The following SLC35F3 variants were observed in gnomAD, a reference collection of about 807,000 sequenced individuals.
SLC35F3 encodes the protein putative thiamine transporter SLC35F3.
Under a neutral mutation model 49.9 loss-of-function variants are expected in SLC35F3, and 25 were observed. The ratio of observed to expected loss-of-function variants is 0.50; its 90% CI spans 0.37 to 0.70. The LOEUF (loss-of-function observed/expected upper bound fraction) is 0.70. Ranked by LOEUF, SLC35F3 falls within the 30% of genes least tolerant of loss-of-function variation. SLC35F3 has a pLI of 0.00. For missense variants in SLC35F3, 525 were observed against 639.8 expected, an observed-to-expected ratio of 0.82 and a Z score of 1.94; for synonymous variants, 275 against 265.4, an observed-to-expected ratio of 1.04 and a Z score of -0.35.
chr1:234,208,485 A>G (rs1192531543), intron 2 of SLC35F3, among the ~76,000 whole-genome samples: 2 of 152,208 alleles, frequency 1.3e-5, no homozygotes, highest in Non-Finnish European at 2.9e-5. Flanking sequence ...CCTGATGATC[A>G]GCCCAGGCCT....
intron 2 of SLC35F3, among the ~76,000 whole-genome samples, chr1:233,999,834 C>T (rs1663523362): frequency 6.6e-6 from 1 of 152,114 alleles, no homozygotes; most frequent in Non-Finnish European, 1.5e-5. Flanking sequence ...GCATCTTTAC[C>T]TCTCTGCATC....
At chr1:234,309,409 C>A (rs1193077012) in intron 4 of SLC35F3, 89 bp downstream of exon 4, 3 of 1,136,250 alleles carry the variant, frequency 2.6e-6, no homozygotes, top group Non-Finnish European at 2.6e-6. Flanking sequence ...TGTGCTGGAC[C>A]ATGAGCATAA....
At chr1:233,976,806 T>C (rs1663092814) in intron 2 of SLC35F3, among the ~76,000 whole-genome samples, 2 of 152,176 alleles carry the variant, frequency 1.3e-5, no homozygotes, top group Non-Finnish European at 2.9e-5. Context: ...AGACATGGTT[T>C]CACCATGTTC....
chr1:234,226,881 G>A (rs748310927), intron 2 of SLC35F3, among the ~76,000 whole-genome samples: 2 of 152,072 alleles, frequency 1.3e-5, no homozygotes, highest in African/African-American at 2.4e-5. Flanking sequence ...ACACACAGGC[G>A]TGGTTACATC....
At chr1:234,202,019 T>G (rs1558258631) in intron 2 of SLC35F3, among the ~76,000 whole-genome samples, 1 of 150,988 alleles carries the variant, frequency 6.6e-6, no homozygotes, top group Non-Finnish European at 1.5e-5. Context: ...AAAGAAAATA[T>G]AGTACATATA....
At position 234,148,696 on chromosome 1, in the gene SLC35F3, C is replaced by G. The variant is rs138230420; in HGVS notation, c.284-82721C>G. Among the ~76,000 whole-genome samples, 148 of 152,178 alleles carry G rather than the reference C, an allele frequency of 9.7e-4. 2 individuals are homozygous for G. Among genetic ancestry groups the G allele is most frequent in the African/African-American group, 3.2e-3 (133 of 41,504 alleles). ...TTACAAAGTATAGATGGTGGTTTGACAAAAACGAAAGCAGGGAGACCAGTT... is the reference window on the plus strand; with the variant it reads ...TTACAAAGTATAGATGGTGGTTTGAGAAAAACGAAAGCAGGGAGACCAGTT... On this transcript the variant is annotated intron_variant, in intron 2 of 7. Coordinates refer to ENST00000366618, the MANE Select transcript of SLC35F3 (RefSeq NM_173508.4).
intron 2 of SLC35F3, among the ~76,000 whole-genome samples, chr1:233,938,652 G>A (rs1325385451): frequency 1.4e-5 from 2 of 148,022 alleles, no homozygotes; most frequent in Non-Finnish European, 3.0e-5. Flanking sequence ...ATGGATGGAA[G>A]GATGGAGGGA....
At chr1:233,933,860 G>A (rs904762860) in intron 2 of SLC35F3, among the ~76,000 whole-genome samples, 2 of 152,124 alleles carry the variant, frequency 1.3e-5, no homozygotes, top group South Asian at 2.1e-4. Flanking sequence ...CTCAAAAAAG[G>A]AAAGGGAAGC....
chr1:234,220,332 G>A (rs780378252), intron 2 of SLC35F3, among the ~76,000 whole-genome samples: 1 of 152,104 alleles, frequency 6.6e-6, no homozygotes, highest in Admixed American at 6.5e-5. Context: ...ATGCTCATAC[G>A]TGTGTGTCAT....
At chr1:234,260,728 A>G (rs1667890010) in intron 3 of SLC35F3, among the ~76,000 whole-genome samples, 1 of 152,218 alleles carries the variant, frequency 6.6e-6, no homozygotes, top group African/African-American at 2.4e-5. Context: ...TCAGGTTAGT[A>G]TGAGGCTCAG....
intron 2 of SLC35F3, among the ~76,000 whole-genome samples, chr1:234,029,137 T>A (rs1182232264): frequency 6.6e-6 from 1 of 152,176 alleles, no homozygotes; most frequent in Non-Finnish European, 1.5e-5. Context: ...GGCTGGGTGA[T>A]AACATCGATT....
At chr1:234,303,564 C>T (rs530440922) in intron 3 of SLC35F3, among the ~76,000 whole-genome samples, 1 of 152,316 alleles carries the variant, frequency 6.6e-6, no homozygotes, top group South Asian at 2.1e-4. Context: ...GACTGCATAG[C>T]TGAAAATGCC....
At chr1:233,919,048 G>A (rs565282987) in intron 2 of SLC35F3, among the ~76,000 whole-genome samples, 1 of 151,982 alleles carries the variant, frequency 6.6e-6, no homozygotes, top group Non-Finnish European at 1.5e-5. Flanking sequence ...ATATATATAT[G>A]TTCATGGGAC....
intron 2 of SLC35F3, among the ~76,000 whole-genome samples, chr1:233,913,965 A>G (rs1236750864): frequency 1.3e-5 from 2 of 152,208 alleles, no homozygotes; most frequent in Non-Finnish European, 1.5e-5. Flanking sequence ...TCTACAGGCA[A>G]GGTTAAAGGA....
intron 3 of SLC35F3, among the ~76,000 whole-genome samples, chr1:234,264,372 A>G (rs977613680): frequency 6.6e-6 from 1 of 152,148 alleles, no homozygotes; most frequent in Non-Finnish European, 1.5e-5. Context: ...ACACCTGGCC[A>G]GGTGCCACCT....
chr1:234,072,882 A>C (rs1330789956), intron 2 of SLC35F3, among the ~76,000 whole-genome samples: 1 of 152,196 alleles, frequency 6.6e-6, no homozygotes, highest in African/African-American at 2.4e-5. Context: ...GAAGGCTTTG[A>C]TTAGAGGAGT....
intron 3 of SLC35F3, among the ~76,000 whole-genome samples, chr1:234,278,596 G>C (rs1322073046): frequency 1.3e-5 from 2 of 151,994 alleles, no homozygotes; most frequent in East Asian, 3.9e-4. Flanking sequence ...TGGCCTCTTA[G>C]TCCTTTCAGG....
rs76892201 is a variant in SLC35F3, at chr1:234,275,969, G to A, written c.609-33132G>A. Among the ~76,000 whole-genome samples the A allele has an allele frequency of 3.6e-3, 552 of 151,928 alleles. 2 individuals carry two copies. Among genetic ancestry groups the A allele is most frequent in the African/African-American group, 0.011 (457 of 41,420 alleles). On this transcript the variant is annotated intron_variant, in intron 3 of 7. Coordinates refer to ENST00000366618, the MANE Select transcript of SLC35F3 (RefSeq NM_173508.4). The stretch of plus-strand genomic sequence containing the variant: ...GGCACCAGCAGCTTTCATCCTTTGC[G>A]CAACACAACACAGCTATGAAATGAA...
At chr1:234,056,535 C>T (rs182812250) in intron 2 of SLC35F3, among the ~76,000 whole-genome samples, 2 of 152,300 alleles carry the variant, frequency 1.3e-5, no homozygotes, top group Admixed American at 1.3e-4. Context: ...CCCCCCTCCA[C>T]CCAGCACCAT....
Sources: gnomAD v4.1 joint callset for allele counts (sites outside exome capture counted in the v4.1 genomes callset) on GRCh38, gnomAD v4.1.1 for gene constraint, MANE v1.5 for transcripts, NCBI Gene and HGNC (gene_info 2026-07-23, HGNC 2026-07-21) for gene names.